The following MTA3 variants were observed in gnomAD, a reference collection of about 807,000 sequenced individuals.
MTA3 encodes the protein metastasis-associated protein MTA3.
Under a neutral mutation model 83.5 loss-of-function variants are expected in MTA3, and 34 were observed. That is an observed-to-expected ratio of 0.41 (90% CI 0.31 to 0.54). MTA3 has a LOEUF of 0.54. MTA3 is among the 20% of genes least tolerant of loss of function. MTA3 has a pLI of 0.33. For synonymous variants in MTA3, 303 were observed against 252.7 expected (o/e 1.20, Z -1.89); for missense variants, 761 against 726.4 (o/e 1.05, Z -0.55).
intron 4 of MTA3, among the ~76,000 whole-genome samples, chr2:42,624,398 T>G (rs1685879361): frequency 6.6e-6 from 1 of 152,270 alleles, no homozygotes; most frequent in Non-Finnish European, 1.5e-5. Context: ...CTTGGCTCAC[T>G]GCAACCTCCA....
At chr2:42,724,131 G>T (rs1336321756) in intron 16 of MTA3, among the ~76,000 whole-genome samples, 1 of 152,054 alleles carries the variant, frequency 6.6e-6, no homozygotes, top group African/African-American at 2.4e-5. Flanking sequence ...GTGAAGATTG[G>T]ATGTATTTCT....
intron 2 of MTA3, among the ~76,000 whole-genome samples, chr2:42,555,683 G>A (rs923474115): frequency 7.2e-5 from 11 of 151,950 alleles, no homozygotes; most frequent in African/African-American, 2.7e-4. Flanking sequence ...CAGGAGAATG[G>A]CATGAACCTG....
Position 42,587,106 on chromosome 2 carries a change from T to G in MTA3, c.190+7906T>G, listed in dbSNP as rs188013354. Among the ~76,000 whole-genome samples the G allele has an allele frequency of 4.4e-3, 668 of 152,066 alleles. 5 individuals are homozygous for G. The highest frequency in any genetic ancestry group is 0.015 in the African/African-American group (637 of 41,450). ...TACTCAGGAGGCTGAGGCAGGAGAA[T>G]ACCTTGAACCCAGGAGGCGGAGGTT... On this transcript the variant is annotated intron_variant, in intron 3 of 16. Coordinates refer to ENST00000405094, the MANE Select transcript of MTA3 (RefSeq NM_001330442.2).
chr2:42,499,801 A>T (rs1021496682), intron 2 of MTA3, among the ~76,000 whole-genome samples: 11 of 151,930 alleles, frequency 7.2e-5, no homozygotes, highest in African/African-American at 2.4e-4. Context: ...TAATAAAAAG[A>T]CAGAAAGAAA....
rs1265281735 is a variant in MTA3 at position 42,755,829 on chromosome 2, C to T, written c.*2430C>T. Reference sequence around the variant, plus strand: ...GACTGTCTGCGCAGCCCCCAGCAGACATGCCCCTGGGGTGAGGACACAGGC... The same window carrying T: ...GACTGTCTGCGCAGCCCCCAGCAGATATGCCCCTGGGGTGAGGACACAGGC... On this transcript the variant is annotated 3_prime_UTR_variant, in exon 17 of 17. Coordinates refer to ENST00000405094, the MANE Select transcript of MTA3 (RefSeq NM_001330442.2). The T allele has an allele frequency of 1.0e-6, 1 of 985,564 alleles. No homozygotes were observed. Among genetic ancestry groups the T allele is most frequent in the Non-Finnish European group, 1.2e-6 (1 of 830,020 alleles). The allele number at this position is 985,564 out of a possible 1,614,324, so 61.1% of individuals were successfully genotyped here.
chr2:42,660,634 G>C (rs1049287324), intron 8 of MTA3, among the ~76,000 whole-genome samples: 3 of 152,102 alleles, frequency 2.0e-5, no homozygotes, highest in Admixed American at 6.5e-5. Context: ...CTTGTGATAG[G>C]CACGGTAGGA....
intron 2 of MTA3, among the ~76,000 whole-genome samples, chr2:42,524,970 T>C (rs1479126105): frequency 1.3e-5 from 2 of 151,586 alleles, no homozygotes; most frequent in East Asian, 3.9e-4. Context: ...TTTTTTTTTT[T>C]TTTATACTTT....
chr2:42,608,403 A>G (rs556729158), intron 3 of MTA3, among the ~76,000 whole-genome samples: 2 of 152,164 alleles, frequency 1.3e-5, no homozygotes, highest in African/African-American at 4.8e-5. Context: ...AGAATATCCA[A>G]AGAATTTTAA....
At chr2:42,542,221 G>A (rs1377330837) in intron 2 of MTA3, among the ~76,000 whole-genome samples, 2 of 152,210 alleles carry the variant, frequency 1.3e-5, no homozygotes. Flanking sequence ...CTAGGGACAG[G>A]GGAGCGGGGT....
intron 2 of MTA3, among the ~76,000 whole-genome samples, chr2:42,516,778 G>A (rs762698044): frequency 3.9e-4 from 60 of 152,116 alleles, no homozygotes; most frequent in African/African-American, 2.2e-4. Flanking sequence ...AAATGTAGGC[G>A]TGTGCAAAAG....
At chr2:42,627,512 T>G (rs905980086) in intron 4 of MTA3, among the ~76,000 whole-genome samples, 7 of 152,138 alleles carry the variant, frequency 4.6e-5, no homozygotes, top group African/African-American at 1.7e-4. Context: ...TGAAAATCTT[T>G]ATTCTTCTAA....
At chr2:42,625,283 C>T (rs888793576) in intron 4 of MTA3, among the ~76,000 whole-genome samples, 9 of 150,208 alleles carry the variant, frequency 6.0e-5, no homozygotes, top group East Asian at 3.9e-4. Context: ...CCACCCACCT[C>T]GGCTTCTCAA....
intron 8 of MTA3, among the ~76,000 whole-genome samples, chr2:42,666,917 A>G (rs1157984349): frequency 6.6e-6 from 1 of 152,198 alleles, no homozygotes; most frequent in African/African-American, 2.4e-5. Flanking sequence ...TCCTTTGTTT[A>G]AGCATTTTAA....
intron 12 of MTA3, among the ~76,000 whole-genome samples, chr2:42,705,850 A>G (rs1210888222): frequency 6.6e-6 from 1 of 152,234 alleles, no homozygotes; most frequent in African/African-American, 2.4e-5. Context: ...CTCATGTATT[A>G]CTAATCTCCA....
At chr2:42,546,841 G>A (rs1423977239) in intron 2 of MTA3, among the ~76,000 whole-genome samples, 1 of 152,204 alleles carries the variant, frequency 6.6e-6, no homozygotes, top group African/African-American at 2.4e-5. Context: ...AATAGGACAT[G>A]TGGGCAGACA....
chr2:42,549,852 G>T (rs1339997177), intron 2 of MTA3, among the ~76,000 whole-genome samples: 1 of 150,352 alleles, frequency 6.7e-6, no homozygotes, highest in Non-Finnish European at 1.5e-5. Context: ...GAAATCCTGT[G>T]CCACCCAACT....
intron 7 of MTA3, among the ~76,000 whole-genome samples, chr2:42,657,581 A>G (rs1222277906): frequency 6.6e-6 from 1 of 152,134 alleles, no homozygotes; most frequent in Non-Finnish European, 1.5e-5. Flanking sequence ...AGCATGAAGG[A>G]CACCAAGGAG....
chr2:42,557,674 A>G (rs1677464802), intron 2 of MTA3, among the ~76,000 whole-genome samples: 1 of 152,186 alleles, frequency 6.6e-6, no homozygotes, highest in Admixed American at 6.5e-5. Flanking sequence ...GACATAAACA[A>G]TGATTTATTT....
chr2:42,644,116 A>T lies in MTA3; in HGVS notation c.382-11A>T. 1 of 1,539,384 alleles carries T rather than the reference A, an allele frequency of 6.5e-7. No individual in the cohort carries two copies. On this transcript the variant is annotated splice_polypyrimidine_tract_variant and intron_variant, in intron 5 of 16. Coordinates refer to ENST00000405094, the MANE Select transcript of MTA3 (RefSeq NM_001330442.2). ...ATTAAGTATACCTATGTATTTTGTC[A>T]TATTTTTCAGGATACCTTCTTCTAC...
Sources: allele counts gnomAD v4.1 joint callset (sites outside exome capture counted in the v4.1 genomes callset), GRCh38; gene constraint gnomAD v4.1.1; transcripts MANE v1.5; gene names NCBI Gene and HGNC (gene_info 2026-07-23, HGNC 2026-07-21).